TRPV4: variants seen among roughly 807,000 people sequenced by gnomAD.
TRPV4 encodes the protein OSM9-like transient receptor potential channel 4.
A neutral mutation model predicts 84.1 loss-of-function variants in TRPV4; 58 were observed. The observed-to-expected ratio is 0.69, with a 90% CI of 0.56 to 0.86. The LOEUF is 0.86. Among genes scored for constraint, TRPV4 ranks in the 40% least tolerant of loss-of-function variants. The pLI, the probability that TRPV4 is intolerant of heterozygous loss-of-function variation, is 0.00. For missense variants in TRPV4, 879 were observed against 1,181.1 expected (o/e 0.74, Z 3.75); for synonymous variants, 489 against 500.9 (o/e 0.98, Z 0.32).
chr12:109,827,997 G>A (rs1405351131), intron 1 of TRPV4, among the ~76,000 whole-genome samples: 7 of 152,198 alleles, frequency 4.6e-5, no homozygotes, highest in Non-Finnish European at 7.3e-5. Context: ...TCGGTCAACC[G>A]GGTGGAACCC....
intron 3 of TRPV4, among the ~76,000 whole-genome samples, chr12:109,806,369 T>TA (rs199632030): frequency 0.12 from 17,310 of 149,530 alleles, 1,396 homozygotes; most frequent in African/African-American, 0.21. Context: ...TTTTTTTTTT[T>TA]TTTTTTTGTA....
rs149150527 is a variant in TRPV4, at chr12:109,818,228, C to A, written c.-31-3401G>T. On this transcript the variant is annotated intron_variant, in intron 1 of 15. Transcript: ENST00000261740. ...TTGACCAGGGAGGAGAGGGGGAAGGCCTCCCCACCAGGAAGCTCGGCCACC... is the reference window on the plus strand; with the variant it reads ...TTGACCAGGGAGGAGAGGGGGAAGGACTCCCCACCAGGAAGCTCGGCCACC... Among the ~76,000 whole-genome samples, 1,108 of 152,228 alleles carry A rather than the reference C, an allele frequency of 7.3e-3. 2 individuals are homozygous for A. Among genetic ancestry groups the A allele is most frequent in the Non-Finnish European group, 0.01 (697 of 68,004 alleles).
At chr12:109,827,264 G>A (rs1050107527) in intron 1 of TRPV4, among the ~76,000 whole-genome samples, 7 of 152,116 alleles carry the variant, frequency 4.6e-5, no homozygotes, top group Non-Finnish European at 7.3e-5. Context: ...TGAAGAAATT[G>A]AGGCTCAACA....
chr12:109,785,552 G>T (rs1889634854), intron 14 of TRPV4, among the ~76,000 whole-genome samples: 1 of 151,920 alleles, frequency 6.6e-6, no homozygotes, highest in Admixed American at 6.5e-5. Context: ...CCGAGTAGCT[G>T]GGATTACAGG....
chr12:109,803,052 C>T lies in TRPV4; in HGVS notation c.651G>A (p.Ala217=), dbSNP rs371280831. The T allele has an allele frequency of 5.7e-5, 92 of 1,614,066 alleles. No homozygotes were observed. Among genetic ancestry groups the T allele is most frequent in the Non-Finnish European group, 7.3e-5 (86 of 1,180,054 alleles). The change falls in exon 4 of 16, where the codon GCG becomes GCA. Residue 217 remains alanine (A), a synonymous_variant. Coordinates refer to ENST00000261740, the MANE Select transcript of TRPV4 (RefSeq NM_021625.5). ...ACTCCCTCATGTTGCCGGTGCGCTC[C>T]GCGATGTCCAGCAGCACAGGGATGG... The part of the protein sequence containing the change: ...NDTIPVLLDI[A]ERTGNMREFI...
rs767086773 is a variant in TRPV4 at position 109,798,959 on chromosome 12, G to A, written c.854-47C>T. On this transcript the variant is annotated intron_variant, in intron 5 of 15. Coordinates refer to ENST00000261740, the MANE Select transcript of TRPV4 (RefSeq NM_021625.5). The surrounding 1 kb of genome is among the most constrained non-coding windows in gnomAD (Gnocchi z 5.0). The stretch of plus-strand genomic sequence containing the variant: ...GGGAGGTCAGCGAAGGGGGCCCAGG[G>A]TGGGACTCTGCCTGCAGACACTCGG... 4.5e-6 allele frequency: 7 copies of A among 1,565,674 alleles called. No individual in the cohort carries two copies. The South Asian group carries it at 4.6e-5, about 10-fold the overall frequency.
At chr12:109,806,248 G>A (rs757103778) in intron 3 of TRPV4, among the ~76,000 whole-genome samples, 15 of 151,800 alleles carry the variant, frequency 9.9e-5, no homozygotes, top group Non-Finnish European at 1.6e-4. Context: ...AGGCTGGAGT[G>A]CAGTGGTGCA....
At position 109,795,866 on chromosome 12, in the gene TRPV4, G is replaced by A. The variant is rs577295990; in HGVS notation, c.1332+659C>T. ...CAGGCTCAGGTGATCCTCCCACCTC[G>A]CCTCCCAAGTAGCTGGGACTACAGG... On this transcript the variant is annotated intron_variant, in intron 7 of 15. Transcript: ENST00000261740. Among the ~76,000 whole-genome samples, 405 of 151,948 alleles carry A rather than the reference G, an allele frequency of 2.7e-3. 7 individuals are homozygous for A. The highest frequency in any genetic ancestry group is 2.3e-3 in the East Asian group (12 of 5,172).
chr12:109,788,965 C>T (rs1889874396), intron 12 of TRPV4, among the ~76,000 whole-genome samples: 1 of 152,124 alleles, frequency 6.6e-6, no homozygotes, highest in Admixed American at 6.5e-5. Context: ...CTCTCTCTCT[C>T]TTTCTTTCTG....
rs961707608 is a variant in TRPV4, at chr12:109,798,708, C to A, written c.1058G>T (p.Cys353Phe). The part of the protein sequence containing the change: ...TKMYDLLLLK[C>F]ARLFPDSNLE... The stretch of plus-strand genomic sequence containing the variant: ...GTTGCTGTCGGGGAAGAGGCGGGCA[C>A]ACTTGAGCAGCAGCAGGTCGTACAT... Residue 353 changes from cysteine to phenylalanine, a missense_variant, in exon 6 of 16, where the codon TGT (cysteine) becomes TTT (phenylalanine). Cys to Phe is a radical substitution (Grantham distance 205). Coordinates refer to ENST00000261740, the MANE Select transcript of TRPV4 (RefSeq NM_021625.5). This position sits in a 1 kb window ranked among gnomAD's most constrained non-coding sequence, Gnocchi z 5.0. 6 of 1,614,020 alleles carry A rather than the reference C, an allele frequency of 3.7e-6. No individual in the cohort carries two copies. The highest frequency in any genetic ancestry group is 3.3e-5 in the Admixed American group (2 of 60,020).
Position 109,788,465 on chromosome 12 carries a change from T to C in TRPV4, c.2143A>G (p.Ile715Val). The C allele has an allele frequency of 1.2e-6, 2 of 1,614,212 alleles. No individual in the cohort carries two copies. Among genetic ancestry groups the C allele is most frequent in the Non-Finnish European group, 1.7e-6 (2 of 1,180,038 alleles). Reference protein sequence around the residue: ...LTFVLLLNMLIALMGETVGQV... With the variant: ...LTFVLLLNMLVALMGETVGQV... ...CCCACTGTCTCGCCCATGAGGGCAATGAGCATGTTGAGGAGCAGCACAAAG... is the reference window on the plus strand; with the variant it reads ...CCCACTGTCTCGCCCATGAGGGCAACGAGCATGTTGAGGAGCAGCACAAAG... Residue 715 changes from isoleucine (I) to valine (V), a missense_variant, in exon 13 of 16, where the codon ATT becomes GTT. By Grantham distance (29) the Ile-to-Val change is conservative. Around this residue, in one of 4 missense-constraint regions of TRPV4, gnomAD observed 242 missense variants for 355.3 expected, o/e 0.68. Coordinates refer to ENST00000261740, the MANE Select transcript of TRPV4 (RefSeq NM_021625.5).
At chr12:109,800,012 G>C (rs1477045048) in intron 5 of TRPV4, among the ~76,000 whole-genome samples, 3 of 151,908 alleles carry the variant, frequency 2.0e-5, no homozygotes, top group Non-Finnish European at 4.4e-5. Flanking sequence ...GGGAAATCTC[G>C]GCTCATTGCA....
At chr12:109,821,561 G>C (rs1008700131) in intron 1 of TRPV4, among the ~76,000 whole-genome samples, 2 of 151,402 alleles carry the variant, frequency 1.3e-5, no homozygotes, top group Non-Finnish European at 2.9e-5. Context: ...AGAGAGTCTC[G>C]CTCTGTCCCC....
chr12:109,800,660 G>T lies in TRPV4; in HGVS notation c.811C>A (p.Arg271Ser). The T allele has an allele frequency of 1.2e-6, 2 of 1,614,166 alleles. No homozygotes were observed. The highest frequency in any genetic ancestry group is 1.7e-6 in the Non-Finnish European group (2 of 1,180,042). The change falls in exon 5 of 16, where the codon CGC becomes AGC. Residue 271 changes from arginine to serine, a missense_variant. Around this residue, in one of 4 missense-constraint regions of TRPV4, gnomAD observed 521 missense variants for 686.6 expected, o/e 0.76. Coordinates refer to ENST00000261740, the MANE Select transcript of TRPV4 (RefSeq NM_021625.5). Reference sequence around the variant, plus strand: ...CCCTCATCCTTGGGCTGGAAGAAGCGCCCACGGGCCTGGGCGTGGACATCA... The same window carrying T: ...CCCTCATCCTTGGGCTGGAAGAAGCTCCCACGGGCCTGGGCGTGGACATCA... ...GADVHAQARGRFFQPKDEGGY... is the reference protein window; with the variant it reads ...GADVHAQARGSFFQPKDEGGY...
chr12:109,832,876 C>A (rs1175148675), intron 1 of TRPV4: 1 of 144,704 alleles, frequency 6.9e-6, no homozygotes, highest in Non-Finnish European at 1.5e-5. Context: ...GATTTTCATG[C>A]CTCTTGGAGG....
chr12:109,791,389 T>A (rs931925894), intron 12 of TRPV4, among the ~76,000 whole-genome samples: 10 of 149,836 alleles, frequency 6.7e-5, no homozygotes, highest in Admixed American at 1.3e-4. Context: ...ACAAAAAAAA[T>A]AATAATAATA....
chr12:109,831,426 T>G (rs1892405839), intron 1 of TRPV4, among the ~76,000 whole-genome samples: 2 of 152,224 alleles, frequency 1.3e-5, no homozygotes, highest in Non-Finnish European at 2.9e-5. Context: ...CCTTGCTAGA[T>G]GCTCACAAGT....
intron 1 of TRPV4, among the ~76,000 whole-genome samples, chr12:109,825,326 C>G (rs772660019): frequency 3.3e-5 from 5 of 152,064 alleles, no homozygotes; most frequent in Non-Finnish European, 7.4e-5. Flanking sequence ...TGAACTTGAA[C>G]TTATTTTTTA....
chr12:109,802,614 AT>A (rs34679148), intron 4 of TRPV4, among the ~76,000 whole-genome samples: 90 of 103,482 alleles, frequency 8.7e-4, no homozygotes, highest in Admixed American at 1.6e-3. Flanking sequence ...CTTTTATTTT[AT>A]TTTTTTTTTT....
Sources: allele counts gnomAD v4.1 joint callset (sites outside exome capture counted in the v4.1 genomes callset), GRCh38; gene constraint gnomAD v4.1.1; regional missense constraint gnomAD v4.1.1; non-coding constraint Gnocchi (gnomAD v3.1); transcripts MANE v1.5; gene names NCBI Gene and HGNC (gene_info 2026-07-23, HGNC 2026-07-21).